The following COL22A1 variants were observed in gnomAD, a reference collection of about 807,000 sequenced individuals.
COL22A1 encodes the protein collagen type XXII alpha 1 chain, also known as collagen alpha-1(XXII) chain.
In COL22A1, 221 loss-of-function variants were observed where a neutral mutation model predicts 248.9. That is an observed-to-expected ratio of 0.89 (90% CI 0.80 to 0.99). The LOEUF (loss-of-function observed/expected upper bound fraction) is 0.99. COL22A1 is among the 50% of genes least tolerant of loss of function. The pLI is 0.00. For missense variants in COL22A1, 2,240 were observed against 2,179.0 expected (o/e 1.03, Z -0.56); for synonymous variants, 891 against 793.4 (o/e 1.12, Z -2.07).
At chr8:138,683,474 C>T (rs897511317) in intron 39 of COL22A1, among the ~76,000 whole-genome samples, 7 of 152,138 alleles carry the variant, frequency 4.6e-5, no homozygotes, top group Admixed American at 2.6e-4. Flanking sequence ...ATTTAGCAAG[C>T]ATTTCTCTTT....
chr8:138,869,252 C>T (rs548654111), intron 3 of COL22A1, among the ~76,000 whole-genome samples: 2 of 152,298 alleles, frequency 1.3e-5, no homozygotes, highest in East Asian at 3.9e-4. Context: ...GCATATGGAG[C>T]TCAGTATAAG....
intron 44 of COL22A1, among the ~76,000 whole-genome samples, chr8:138,656,556 T>G (rs745551670): frequency 5.9e-5 from 9 of 152,098 alleles, no homozygotes; most frequent in Non-Finnish European, 1.2e-4. Context: ...CCACTGTGAG[T>G]TGGAGCTACG....
At chr8:138,834,832 AT>A (rs1303336934) in intron 4 of COL22A1, among the ~76,000 whole-genome samples, 4 of 152,202 alleles carry the variant, frequency 2.6e-5, no homozygotes, top group African/African-American at 9.7e-5. Flanking sequence ...TATTCAGTAG[AT>A]GTTTTTGAGA....
intron 16 of COL22A1, among the ~76,000 whole-genome samples, chr8:138,767,269 G>T (rs906410002): frequency 1.3e-4 from 20 of 152,172 alleles, no homozygotes; most frequent in African/African-American, 4.8e-4. Context: ...TTGGGGTAGG[G>T]GAAAGAAAGA....
intron 1 of COL22A1, among the ~76,000 whole-genome samples, chr8:138,896,010 C>T (rs141386493): frequency 4.6e-5 from 7 of 152,218 alleles, no homozygotes; most frequent in East Asian, 1.9e-4. Flanking sequence ...ATTCTTCAAG[C>T]GCTGAAAGAG....
intron 60 of COL22A1, 78 bp from the exon 61 acceptor site, chr8:138,598,976 C>A: frequency 6.8e-7 from 1 of 1,464,108 alleles, no homozygotes; most frequent in East Asian, 2.4e-5. Context: ...AGGGGTTCCC[C>A]CAGTCTGCCT....
At chr8:138,704,019 A>G (rs141577779) in intron 30 of COL22A1, among the ~76,000 whole-genome samples, 6,621 of 152,218 alleles carry the variant, frequency 0.043, 194 homozygotes, top group East Asian at 0.13. Context: ...ACAGAGCCTC[A>G]CTCACTGCTA....
At chr8:138,686,547 C>T (rs534990363) in intron 37 of COL22A1, among the ~76,000 whole-genome samples, 140 of 152,338 alleles carry the variant, frequency 9.2e-4, no homozygotes, top group Non-Finnish European at 1.7e-3. Context: ...GCAGGCCAGC[C>T]CCTGGACATG....
intron 22 of COL22A1, among the ~76,000 whole-genome samples, chr8:138,743,661 A>T (rs1222034986): frequency 6.6e-6 from 1 of 152,142 alleles, no homozygotes; most frequent in Non-Finnish European, 1.5e-5. Flanking sequence ...AGCAATAAAG[A>T]GCTGTTTTAC....
chr8:138,699,091 G>C lies in COL22A1; in HGVS notation c.2592+1021C>G, dbSNP rs115865535. ...TGACAAGAGGGCTCCTTTAACATCA[G>C]GGCCTTCTCTCCCTTCAGGAAAGGC... On this transcript the variant is annotated intron_variant, in intron 32 of 64. Coordinates refer to ENST00000303045, the MANE Select transcript of COL22A1 (RefSeq NM_152888.3). Among the ~76,000 whole-genome samples, 1,034 of 152,216 alleles carry C rather than the reference G, an allele frequency of 6.8e-3. 14 individuals are homozygous for C. Among genetic ancestry groups the C allele is most frequent in the African/African-American group, 0.024 (985 of 41,520 alleles).
At chr8:138,607,415 C>T (rs938634547) in intron 57 of COL22A1, among the ~76,000 whole-genome samples, 3 of 152,118 alleles carry the variant, frequency 2.0e-5, no homozygotes, top group African/African-American at 7.2e-5. Context: ...CAGGACTGAA[C>T]CCCAAATCCT....
intron 1 of COL22A1, among the ~76,000 whole-genome samples, chr8:138,887,530 C>T (rs1267695327): frequency 6.6e-6 from 1 of 152,178 alleles, no homozygotes; most frequent in African/African-American, 2.4e-5. Flanking sequence ...TCTCTCTTAA[C>T]ATTATATCTT....
intron 41 of COL22A1, among the ~76,000 whole-genome samples, chr8:138,669,885 C>CTTTTTT (rs34714342): frequency 4.1e-5 from 5 of 121,236 alleles, no homozygotes; most frequent in African/African-American, 1.2e-4. Context: ...ACTCCTAAGA[C>CTTTTTT]TTTTTTTTTT....
intron 7 of COL22A1, 114 bp downstream of exon 7, chr8:138,821,022 T>G (rs1586824700): frequency 8.5e-7 from 1 of 1,176,894 alleles, no homozygotes; most frequent in Admixed American, 2.3e-5. Context: ...CGGTCCAAGG[T>G]GATGATTTGG....
chr8:138,899,564 G>T (rs964315314), intron 1 of COL22A1, among the ~76,000 whole-genome samples: 1 of 151,988 alleles, frequency 6.6e-6, no homozygotes, highest in Non-Finnish European at 1.5e-5. Flanking sequence ...CACTCTATGG[G>T]CCAGTCTGGA....
At chr8:138,812,244 A>G (rs1818301421) in intron 8 of COL22A1, among the ~76,000 whole-genome samples, 1 of 152,152 alleles carries the variant, frequency 6.6e-6, no homozygotes, top group Admixed American at 6.5e-5. Context: ...CTCCACAACC[A>G]GGTCCATCTG....
chr8:138,899,974 G>C (rs1418822812), intron 1 of COL22A1, among the ~76,000 whole-genome samples: 2 of 152,188 alleles, frequency 1.3e-5, no homozygotes, highest in African/African-American at 4.8e-5. Flanking sequence ...ATATGGCGAA[G>C]GTATGATGAT....
At chr8:138,669,681 T>C (rs1564171268) in intron 41 of COL22A1, among the ~76,000 whole-genome samples, 3 of 152,102 alleles carry the variant, frequency 2.0e-5, no homozygotes, top group South Asian at 4.2e-4. Context: ...CAGTAATAGT[T>C]ACACCTTACT....
At chr8:138,676,419 AAG>A (rs1208215110) in intron 41 of COL22A1, 137 bp downstream of exon 41, 1 of 253,620 alleles carries the variant, frequency 3.9e-6, no homozygotes, top group South Asian at 8.1e-5. Flanking sequence ...AAGAAAAAGA[AAG>A]AAAGAAAGAA....
Sources: allele counts gnomAD v4.1 joint callset (sites outside exome capture counted in the v4.1 genomes callset), GRCh38; gene constraint gnomAD v4.1.1; transcripts MANE v1.5; gene names NCBI Gene and HGNC (gene_info 2026-07-23, HGNC 2026-07-21).